The following ZSWIM4 variants were observed in gnomAD, a reference collection of about 807,000 sequenced individuals.
The protein encoded by ZSWIM4 is zinc finger SWIM domain-containing protein 4.
A neutral mutation model predicts 102.5 loss-of-function variants in ZSWIM4; 62 were observed. That is an observed-to-expected ratio of 0.60 (90% CI 0.49 to 0.75). The LOEUF (loss-of-function observed/expected upper bound fraction) is 0.75, where lower values mean the gene tolerates loss of function less well. ZSWIM4 is among the 30% of genes least tolerant of loss of function. The pLI, the probability that ZSWIM4 is intolerant of heterozygous loss-of-function variation, is 0.00. For synonymous variants in ZSWIM4, 652 were observed against 674.5 expected, an observed-to-expected ratio of 0.97 and a Z score of 0.52; for missense variants, 1,280 against 1,529.6, an observed-to-expected ratio of 0.84 and a Z score of 2.72.
At chr19:13,816,820 C>T (rs115165737) in intron 7 of ZSWIM4, among the ~76,000 whole-genome samples, 1 of 152,252 alleles carries the variant, frequency 6.6e-6, no homozygotes, top group African/African-American at 2.4e-5. Flanking sequence ...AAACTTCATA[C>T]TGGTCCTTGG....
At position 13,809,044 on chromosome 19, in the gene ZSWIM4, T is replaced by G. The variant is rs757607904; in HGVS notation, c.862-26T>G. 3 of 1,607,938 alleles carry G rather than the reference T, an allele frequency of 1.9e-6. No individual in the cohort carries two copies. In the East Asian group the frequency reaches 6.7e-5, roughly 36 times the overall value. ...AGGCCCCGGCGGACGCCCCAGCCCTTCCTCACCACCCTGTCCCCGGCACAG... is the reference window on the plus strand; with the variant it reads ...AGGCCCCGGCGGACGCCCCAGCCCTGCCTCACCACCCTGTCCCCGGCACAG... On this transcript the variant is annotated intron_variant, in intron 4 of 13. Transcript: ENST00000590508. The surrounding 1 kb of genome is among the most constrained non-coding windows in gnomAD (Gnocchi z 4.2).
At chr19:13,805,748 G>T (rs1974902285) in intron 3 of ZSWIM4, among the ~76,000 whole-genome samples, 1 of 151,854 alleles carries the variant, frequency 6.6e-6, no homozygotes, top group Non-Finnish European at 1.5e-5. Context: ...GAGGTGGGCG[G>T]ATCAGTTGAG....
In ZSWIM4 at chr19:13,805,106, G is replaced by C. The variant is rs1974883424; in HGVS notation, c.670G>C (p.Asp224His). The change falls in exon 3 of 14, where the codon GAT becomes CAT. Residue 224 changes from aspartate to histidine, a missense_variant. Coordinates refer to ENST00000590508, the MANE Select transcript of ZSWIM4 (RefSeq NM_001367834.3). ...EVLPTAQRLADEILLLGSEIN... is the reference protein window; with the variant it reads ...EVLPTAQRLAHEILLLGSEIN... ...GCTGCCCACTGCTCAGCGCTTGGCTGATGAGATCCTCCTGCTGGGCTCCGA... is the reference window on the plus strand; with the variant it reads ...GCTGCCCACTGCTCAGCGCTTGGCTCATGAGATCCTCCTGCTGGGCTCCGA... 6.2e-7 allele frequency: 1 copy of C among 1,602,628 alleles called. No individual in the cohort carries two copies. Among genetic ancestry groups the C allele is most frequent in the South Asian group, 1.1e-5 (1 of 91,072 alleles).
chr19:13,812,407 C>T (rs971457865), intron 5 of ZSWIM4, among the ~76,000 whole-genome samples: 2 of 151,648 alleles, frequency 1.3e-5, no homozygotes, highest in African/African-American at 4.8e-5. Flanking sequence ...GATTCTTGTG[C>T]CTCAGCCTCC....
intron 3 of ZSWIM4, among the ~76,000 whole-genome samples, chr19:13,805,648 A>G (rs1164599573): frequency 6.6e-6 from 1 of 151,628 alleles, no homozygotes; most frequent in Non-Finnish European, 1.5e-5. Flanking sequence ...TGGATGGATG[A>G]TGGAGGGAGG....
Position 13,814,691 on chromosome 19 carries a change from C to T in ZSWIM4, c.1357C>T (p.Pro453Ser). ...GGGTGGGGACAAACCGACTTTCGACCCCCAGGGCCGCCCACTGTGGCTGGG... is the reference window on the plus strand; with the variant it reads ...GGGTGGGGACAAACCGACTTTCGACTCCCAGGGCCGCCCACTGTGGCTGGG... ...SVGGDKPTFD[P>S]QGRPLWLGEP... The change falls in exon 7 of 14, where the codon CCC becomes TCC. Residue 453 changes from proline to serine, a missense_variant. Transcript: ENST00000590508. 1 of 1,285,350 alleles carries T rather than the reference C, an allele frequency of 7.8e-7. No homozygotes were observed. The allele number at this position is 1,285,350 out of a possible 1,614,324, so 79.6% of individuals were successfully genotyped here. A position where few individuals can be genotyped will look rare whatever the true frequency, so the allele number is the denominator to read the frequency against.
In ZSWIM4 at chr19:13,830,533, C is replaced by G. The variant is rs779056101; in HGVS notation, c.2804C>G (p.Pro935Arg). 6.3e-6 allele frequency: 10 copies of G among 1,599,296 alleles called. No homozygotes were observed. The highest frequency in any genetic ancestry group is 2.7e-5 in the African/African-American group (2 of 74,916). ...CGCTATATGGAGCACCGCGGGCTGCCGCTCCGGGCCTACAAGCTGGCGACG... is the reference window on the plus strand; with the variant it reads ...CGCTATATGGAGCACCGCGGGCTGCGGCTCCGGGCCTACAAGCTGGCGACG... ...VARYMEHRGL[P>R]LRAYKLATLA... The change falls in exon 14 of 14, where the codon CCG becomes CGG. Residue 935 changes from proline to arginine, a missense_variant. By Grantham distance (103) the Pro-to-Arg change is moderately radical. Transcript: ENST00000590508.
rs1975217059 is a variant in ZSWIM4, at chr19:13,814,704, C to T, written c.1370C>T (p.Pro457Leu). The T allele has an allele frequency of 7.8e-7, 1 of 1,287,512 alleles. No individual in the cohort carries two copies. Among genetic ancestry groups the T allele is most frequent in the African/African-American group, 1.5e-5 (1 of 65,816 alleles). 79.8% of individuals were successfully genotyped at this position (1,287,512 alleles called of 1,614,324 possible). The change falls in exon 7 of 14, where the codon CCA becomes CTA. Residue 457 changes from proline to leucine, a missense_variant. Pro to Leu is a moderately conservative substitution (Grantham distance 98, BLOSUM62 -3). Transcript: ENST00000590508. ...DKPTFDPQGR[P>L]LWLGEPFPTA... ...CCGACTTTCGACCCCCAGGGCCGCC[C>T]ACTGTGGCTGGGAGAACCTTTCCCC...
chr19:13,819,383 G>T lies in ZSWIM4; in HGVS notation c.1951G>T (p.Val651Leu), dbSNP rs1383747549. The change falls in exon 10 of 14, where the codon GTG becomes TTG. Residue 651 changes from valine to leucine, a missense_variant. Transcript: ENST00000590508. ...GGGTCCCTTCAGTGGCTTTGGGGAGGTGCTGTTCCGGGAGAGCGTGCCCAT... is the reference window on the plus strand; with the variant it reads ...GGGTCCCTTCAGTGGCTTTGGGGAGTTGCTGTTCCGGGAGAGCGTGCCCAT... Reference protein sequence around the residue: ...EGGPFSGFGEVLFRESVPMHT... With the variant: ...EGGPFSGFGELLFRESVPMHT... The T allele has an allele frequency of 6.2e-7, 1 of 1,613,738 alleles. No homozygotes were observed. The highest frequency in any genetic ancestry group is 1.3e-5 in the African/African-American group (1 of 74,948).
intron 2 of ZSWIM4, among the ~76,000 whole-genome samples, chr19:13,803,345 C>T (rs1426765731): frequency 6.6e-6 from 1 of 152,176 alleles, no homozygotes; most frequent in Non-Finnish European, 1.5e-5. Flanking sequence ...CTTCATCAGC[C>T]CCTCGCCCCA....
intron 3 of ZSWIM4, 132 bp from the exon 4 acceptor site, chr19:13,808,702 GCA>G: frequency 1.1e-6 from 1 of 936,750 alleles, no homozygotes; most frequent in South Asian, 1.8e-5. Context: ...TCGTGCTACA[GCA>G]CTCCAGCCTG....
At chr19:13,816,115 T>C (rs1975279821) in intron 7 of ZSWIM4, among the ~76,000 whole-genome samples, 1 of 148,624 alleles carries the variant, frequency 6.7e-6, no homozygotes, top group Non-Finnish European at 1.5e-5. Context: ...GTGTACTAGA[T>C]ATGGGGGTGG....
intron 8 of ZSWIM4, 165 bp from the exon 9 acceptor site, chr19:13,817,557 T>A: frequency 9.4e-7 from 1 of 1,058,252 alleles, no homozygotes; most frequent in Non-Finnish European, 1.3e-6. Context: ...TAGCTGCTGC[T>A]AGAAGGTGGG....
chr19:13,808,038 T>G (rs111646820), intron 3 of ZSWIM4, among the ~76,000 whole-genome samples: 2,738 of 152,018 alleles, frequency 0.018, 77 homozygotes, highest in African/African-American at 0.063. Flanking sequence ...CACATGGCTG[T>G]CAGGAGAGAG....
chr19:13,811,325 A>G (rs1050304037), intron 5 of ZSWIM4, among the ~76,000 whole-genome samples: 3 of 152,168 alleles, frequency 2.0e-5, no homozygotes, highest in Non-Finnish European at 4.4e-5. Flanking sequence ...GCAGACACAG[A>G]CATATATACC....
At position 13,818,894 on chromosome 19, in the gene ZSWIM4, C is replaced by T. The variant is rs190861115; in HGVS notation, c.1925-463C>T. On this transcript the variant is annotated intron_variant, in intron 9 of 13. Coordinates refer to ENST00000590508, the MANE Select transcript of ZSWIM4 (RefSeq NM_001367834.3). ...TTTTTTTTTTTTTGAGACGGAGTCT[C>T]GCTCTGTCTCCCAGGTTGGAGTGCA... Among the ~76,000 whole-genome samples the T allele has an allele frequency of 1.2e-3, 177 of 144,858 alleles. 1 individual carries two copies. In the East Asian group the frequency reaches 0.017, roughly 14 times the overall value.
In ZSWIM4 at chr19:13,819,382, G is replaced by C; in HGVS notation, c.1950G>C (p.Glu650Asp). Residue 650 changes from glutamate (E) to aspartate (D), a missense_variant, in exon 10 of 14, where the codon GAG (glutamate) becomes GAC (aspartate). Coordinates refer to ENST00000590508, the MANE Select transcript of ZSWIM4 (RefSeq NM_001367834.3). ...LEGGPFSGFG[E>D]VLFRESVPMH... ...GGGGTCCCTTCAGTGGCTTTGGGGAGGTGCTGTTCCGGGAGAGCGTGCCCA... is the reference window on the plus strand; with the variant it reads ...GGGGTCCCTTCAGTGGCTTTGGGGACGTGCTGTTCCGGGAGAGCGTGCCCA... 1.9e-6 allele frequency: 3 copies of C among 1,613,864 alleles called. No homozygotes were observed. The highest frequency in any genetic ancestry group is 3.3e-4 in the Middle Eastern group (2 of 6,050).
chr19:13,800,998 C>T (rs1247214873), intron 2 of ZSWIM4, among the ~76,000 whole-genome samples: 1 of 152,084 alleles, frequency 6.6e-6, no homozygotes, highest in East Asian at 1.9e-4. Context: ...AAAAAATGAG[C>T]TGGGCATGGT....
Position 13,830,545 on chromosome 19 carries a change from A to G in ZSWIM4, c.2816A>G (p.Tyr939Cys). Reference protein sequence around the residue: ...MEHRGLPLRAYKLATLALAQL... With the variant: ...MEHRGLPLRACKLATLALAQL... Reference sequence around the variant, plus strand: ...CACCGCGGGCTGCCGCTCCGGGCCTACAAGCTGGCGACGCTGGCCCTGGCG... The same window carrying G: ...CACCGCGGGCTGCCGCTCCGGGCCTGCAAGCTGGCGACGCTGGCCCTGGCG... The change falls in exon 14 of 14, where the codon TAC (tyrosine) becomes TGC (cysteine). Residue 939 changes from tyrosine (Y) to cysteine (C), a missense_variant. Transcript: ENST00000590508. 6.3e-7 allele frequency: 1 copy of G among 1,599,480 alleles called. No homozygotes were observed.
Sources: allele counts gnomAD v4.1 joint callset (sites outside exome capture counted in the v4.1 genomes callset), GRCh38; gene constraint gnomAD v4.1.1; non-coding constraint Gnocchi (gnomAD v3.1); transcripts MANE v1.5; gene names NCBI Gene and HGNC (gene_info 2026-07-23, HGNC 2026-07-21).